The following NHSL1 variants were observed in gnomAD, a reference collection of about 807,000 sequenced individuals.
NHSL1 encodes NHS like 1.
A neutral mutation model predicts 95.0 loss-of-function variants in NHSL1; 48 were observed. The ratio of observed to expected loss-of-function variants is 0.51; its 90% confidence interval spans 0.40 to 0.64. NHSL1 has a LOEUF of 0.64. Among genes scored for constraint, NHSL1 ranks in the 30% least tolerant of loss-of-function variants. NHSL1 has a pLI of 0.00. For missense variants in NHSL1, 1,971 were observed against 2,077.7 expected, an observed-to-expected ratio of 0.95 and a Z score of 1.00; for synonymous variants, 783 against 833.9, an observed-to-expected ratio of 0.94 and a Z score of 1.05.
chr6:138,631,560 GC>G (rs1247742140), intron 1 of NHSL1, among the ~76,000 whole-genome samples: 1 of 152,094 alleles, frequency 6.6e-6, no homozygotes, highest in Non-Finnish European at 1.5e-5. Flanking sequence ...AAGTCATGAG[GC>G]CCCCTTCCCA....
intron 1 of NHSL1, among the ~76,000 whole-genome samples, chr6:138,615,502 G>A (rs560118530): frequency 1.4e-4 from 22 of 152,316 alleles, no homozygotes; most frequent in African/African-American, 4.8e-4. Context: ...ACGGAGTCTC[G>A]CTCTGTCGCC....
Position 138,424,049 on chromosome 6 carries a change from C to G in NHSL1, c.*32G>C, listed in dbSNP as rs1258836069. On this transcript the variant is annotated 3_prime_UTR_variant, in exon 8 of 8. Coordinates refer to ENST00000343505, the MANE Select transcript of NHSL1 (RefSeq NM_001144060.2). The surrounding 1 kb of genome is among the most constrained non-coding windows in gnomAD (Gnocchi z 5.9). ...AGAGTGCTGCATTGCTCGTCTCCCC[C>G]CGTGTCACCTGGGAGAGTTACGTTC... The G allele has an allele frequency of 3.0e-6, 4 of 1,355,374 alleles. No homozygotes were observed. Among genetic ancestry groups the G allele is most frequent in the East Asian group, 2.6e-5 (1 of 37,902 alleles). The allele number at this position is 1,355,374 out of a possible 1,614,324, so 84.0% of individuals were successfully genotyped here.
chr6:138,650,383 CCA>C lies in NHSL1; in HGVS notation c.96+42091_96+42092del. On this transcript the variant is annotated intron_variant, in intron 1 of 3. Transcript: ENST00000491526. ...GCCTGCAGCCCACAGTTGTTCACAG[CCA>C]TGAGGTCGCCGACTAGCAGGAAGGG... The C allele has an allele frequency of 2.8e-6, 4 of 1,404,990 alleles. No homozygotes were observed. In the South Asian group the frequency reaches 4.6e-5, roughly 16 times the overall value. 87.0% of individuals were successfully genotyped at this position (1,404,990 alleles called of 1,614,324 possible).
chr6:138,487,951 T>C (rs1779821241), intron 2 of NHSL1, among the ~76,000 whole-genome samples: 1 of 152,220 alleles, frequency 6.6e-6, no homozygotes, highest in Non-Finnish European at 1.5e-5. Context: ...TAAAATTGTA[T>C]AAATGAATAT....
intron 1 of NHSL1, among the ~76,000 whole-genome samples, chr6:138,646,373 T>C (rs575804899): frequency 6.6e-6 from 1 of 152,128 alleles, no homozygotes; most frequent in Non-Finnish European, 1.5e-5. Flanking sequence ...AAAATTCTTA[T>C]CAACCAGCCA....
chr6:138,547,278 C>T (rs1782835600), upstream of NHSL1, among the ~76,000 whole-genome samples: 1 of 150,858 alleles, frequency 6.6e-6, no homozygotes, highest in Non-Finnish European at 1.5e-5. Flanking sequence ...GTACTAGTTT[C>T]TATGATCACA....
At chr6:138,594,612 A>G (rs1204794907) in intron 1 of NHSL1, among the ~76,000 whole-genome samples, 1 of 152,142 alleles carries the variant, frequency 6.6e-6, no homozygotes, top group African/African-American at 2.4e-5. Context: ...TACGATCCCC[A>G]ATAAGCAGCA....
intron 1 of NHSL1, among the ~76,000 whole-genome samples, chr6:138,555,662 T>C (rs1783170425): frequency 1.3e-5 from 2 of 152,218 alleles, no homozygotes; most frequent in Non-Finnish European, 2.9e-5. Context: ...TCTTCCTCTT[T>C]TGTCTTTGCT....
chr6:138,569,294 C>T (rs929847325), intron 1 of NHSL1, among the ~76,000 whole-genome samples: 4 of 149,626 alleles, frequency 2.7e-5, no homozygotes, highest in African/African-American at 7.4e-5. Flanking sequence ...AGAAAGAGAG[C>T]GAGAGAGAAA....
At chr6:138,598,719 T>A (rs190341962) in intron 1 of NHSL1, among the ~76,000 whole-genome samples, 132 of 151,812 alleles carry the variant, frequency 8.7e-4, no homozygotes, top group African/African-American at 3.1e-3. Flanking sequence ...ACAATGCTCA[T>A]AGATTTGGAT....
rs1029484175 is a variant in NHSL1, at chr6:138,432,800, A to T, written c.1545T>A (p.Ala515=). 1 of 1,551,714 alleles carries T rather than the reference A, an allele frequency of 6.4e-7. No homozygotes were observed. The highest frequency in any genetic ancestry group is 2.0e-5 in the Admixed American group (1 of 51,012). The change falls in exon 6 of 8, where the codon GCT becomes GCA. Residue 515 remains alanine (A), a synonymous_variant. Coordinates refer to ENST00000343505, the MANE Select transcript of NHSL1 (RefSeq NM_001144060.2). This position sits in a 1 kb window ranked among gnomAD's most constrained non-coding sequence, Gnocchi z 4.4. ...GGTTGTTTCTACAATTATACGGCAT[A>T]GCTTGGGACCCATTCTCCCTATTTG... ...APANRENGSQ[A]MPYNCRNNLA...
At chr6:138,487,626 A>C (rs1779806049) in intron 2 of NHSL1, among the ~76,000 whole-genome samples, 1 of 152,252 alleles carries the variant, frequency 6.6e-6, no homozygotes, top group African/African-American at 2.4e-5. Context: ...GAAGCCAATC[A>C]GAATTTTAGA....
Position 138,423,877 on chromosome 6 carries a change from A to G in NHSL1, c.*204T>C. The G allele has an allele frequency of 2.5e-6, 1 of 397,288 alleles. No individual in the cohort carries two copies. Among genetic ancestry groups the G allele is most frequent in the Non-Finnish European group, 4.3e-6 (1 of 232,040 alleles). 24.6% of individuals were successfully genotyped at this position (397,288 alleles called of 1,614,324 possible). On this transcript the variant is annotated 3_prime_UTR_variant, in exon 8 of 8. Transcript: ENST00000343505. Reference sequence around the variant, plus strand: ...AGCACTTTCAGAAGTTTAAGCTTCTACTTGTTCTTAAGCCACAGGGCAAGT... The same window carrying G: ...AGCACTTTCAGAAGTTTAAGCTTCTGCTTGTTCTTAAGCCACAGGGCAAGT...
intron 3 of NHSL1, 46 bp downstream of exon 3, chr6:138,473,260 G>T: frequency 6.8e-7 from 1 of 1,463,058 alleles, no homozygotes; most frequent in Non-Finnish European, 9.1e-7. Flanking sequence ...TCCTTTCTCT[G>T]TTCTGGGACC....
upstream of NHSL1, among the ~76,000 whole-genome samples, chr6:138,501,253 T>C (rs1317137769): frequency 1.3e-5 from 2 of 152,160 alleles, no homozygotes; most frequent in Non-Finnish European, 2.9e-5. Context: ...GAAAGATAAA[T>C]ACCAGGCACC....
chr6:138,446,928 T>C, intron 4 of NHSL1, 73 bp downstream of exon 4: 1 of 1,380,806 alleles, frequency 7.2e-7, no homozygotes, highest in Non-Finnish European at 1.0e-6. Context: ...AATGAAATGC[T>C]AACAGCATAA....
At chr6:138,672,035 A>G (rs1265439956) in intron 1 of NHSL1, among the ~76,000 whole-genome samples, 1 of 152,200 alleles carries the variant, frequency 6.6e-6, no homozygotes, top group African/African-American at 2.4e-5. Context: ...ACCACAAAAG[A>G]GCAAAAGGAG....
At chr6:138,545,660 G>A (rs925435407) in exon 1 of NHSL1, 2 of 1,289,162 alleles carry the variant, frequency 1.6e-6, no homozygotes, top group Non-Finnish European at 2.0e-6. Context: ...TCCATGGAGG[G>A]GCTGTGCTCT....
chr6:138,422,424 C>T lies in NHSL1; in HGVS notation c.*1657G>A, dbSNP rs566575746. On this transcript the variant is annotated 3_prime_UTR_variant, in exon 8 of 8. Transcript: ENST00000343505. ...CTCAAAGACATTTCTATATGGGTAT[C>T]TAAAGTTTTAGTTTATAAGTCTCAT... 2.6e-5 allele frequency: 4 copies of T among 152,158 alleles called. No homozygotes were observed. In the East Asian group the frequency reaches 7.7e-4, roughly 29 times the overall value. The allele number at this position is 152,158 out of a possible 1,614,324, so 9.4% of individuals were successfully genotyped here.
Sources: allele counts gnomAD v4.1 joint callset (sites outside exome capture counted in the v4.1 genomes callset), GRCh38; gene constraint gnomAD v4.1.1; non-coding constraint Gnocchi (gnomAD v3.1); transcripts MANE v1.5; gene names NCBI Gene and HGNC (gene_info 2026-07-23, HGNC 2026-07-21).